The following SERINC3 variants were observed in gnomAD, a reference collection of about 807,000 sequenced individuals.
SERINC3 encodes the protein serine incorporator 3.
A neutral mutation model predicts 52.1 loss-of-function variants in SERINC3; 22 were observed. The observed-to-expected ratio is 0.42, with a 90% CI of 0.30 to 0.60. The LOEUF (loss-of-function observed/expected upper bound fraction) is 0.60, where lower values mean the gene tolerates loss of function less well. SERINC3 is among the 20% of genes least tolerant of loss of function. The pLI is 0.16. For synonymous variants in SERINC3, 226 were observed against 212.7 expected (o/e 1.06, Z -0.54); for missense variants, 564 against 584.6 (o/e 0.96, Z 0.36).
chr20:44,514,048 G>A lies in SERINC3; in HGVS notation c.40-8C>T, dbSNP rs1221924040. On this transcript the variant is annotated splice_polypyrimidine_tract_variant and splice_region_variant and intron_variant, in intron 1 of 9. Coordinates refer to ENST00000342374, the MANE Select transcript of SERINC3 (RefSeq NM_006811.4). ...GCTGCAGAGGCATGGAACCTGGAAT[G>A]AGCACACCATGGTCACCTGAGACCG... 4.3e-6 allele frequency: 7 copies of A among 1,613,462 alleles called. No homozygotes were observed. In the South Asian group the frequency reaches 7.7e-5, roughly 18 times the overall value.
At position 44,513,833 on chromosome 20, in the gene SERINC3, T is replaced by C. The variant is rs766018256; in HGVS notation, c.201+46A>G. On this transcript the variant is annotated intron_variant, in intron 2 of 9. Coordinates refer to ENST00000342374, the MANE Select transcript of SERINC3 (RefSeq NM_006811.4). ...AATAAAACTAGAATTTTGCAGAATA[T>C]AAAAATAAAAATAACCAATACCTTA... 8.3e-6 allele frequency: 12 copies of C among 1,447,310 alleles called. No homozygotes were observed. In the South Asian group the frequency reaches 1.6e-4, roughly 19 times the overall value. 89.7% of individuals were successfully genotyped at this position (1,447,310 alleles called of 1,614,324 possible). A position where few individuals can be genotyped will look rare whatever the true frequency, so the allele number is the denominator to read the frequency against.
At chr20:44,510,354 G>C (rs1202777176) in intron 4 of SERINC3, among the ~76,000 whole-genome samples, 3 of 152,214 alleles carry the variant, frequency 2.0e-5, no homozygotes, top group Non-Finnish European at 4.4e-5. Context: ...GACAGAGATA[G>C]GGGAGCACAA....
chr20:44,510,060 T>C lies in SERINC3; in HGVS notation c.476-32A>G, dbSNP rs575008661. ...GAACCAAGAGAACAAAGTTATTCTC[T>C]ACCATAGAGTAACATTTCAGAAGAT... On this transcript the variant is annotated intron_variant, in intron 4 of 9. Coordinates refer to ENST00000342374, the MANE Select transcript of SERINC3 (RefSeq NM_006811.4). 1.1e-5 allele frequency: 17 copies of C among 1,604,602 alleles called. No individual in the cohort carries two copies. The South Asian group carries it at 1.1e-4, about 10-fold the overall frequency.
chr20:44,500,445 A>G lies in SERINC3; in HGVS notation c.1284-11T>C, dbSNP rs1026440859. On this transcript the variant is annotated splice_polypyrimidine_tract_variant and intron_variant, in intron 9 of 9. Transcript: ENST00000342374. ...AACTTTGCATCAGGGCTAAGAAAACAAGAGAGAGTCAGGTAGAAAAGCCTG... is the reference window on the plus strand; with the variant it reads ...AACTTTGCATCAGGGCTAAGAAAACGAGAGAGAGTCAGGTAGAAAAGCCTG... The G allele has an allele frequency of 4.4e-5, 68 of 1,556,556 alleles. No homozygotes were observed. The highest frequency in any genetic ancestry group is 5.4e-5 in the African/African-American group (4 of 73,512).
chr20:44,503,554 A>G (rs562402071), intron 8 of SERINC3, among the ~76,000 whole-genome samples: 2 of 152,330 alleles, frequency 1.3e-5, no homozygotes, highest in South Asian at 4.1e-4. Context: ...AGCCTGAGGC[A>G]GAAGAACTGC....
At position 44,497,936 on chromosome 20, in the gene SERINC3, T is replaced by G. The variant is rs1332765463; in HGVS notation, c.*2360A>C. On this transcript the variant is annotated 3_prime_UTR_variant, in exon 10 of 10. Coordinates refer to ENST00000342374, the MANE Select transcript of SERINC3 (RefSeq NM_006811.4). ...GTGCTATGTCAGTGCTAAAAATGGG[T>G]TACACTTTGCAAAATAACTTTATTC... 1 of 152,228 alleles carries G rather than the reference T, an allele frequency of 6.6e-6. No homozygotes were observed. Among genetic ancestry groups the G allele is most frequent in the Non-Finnish European group, 1.5e-5 (1 of 68,030 alleles). The allele number at this position is 152,228 out of a possible 1,614,324, so 9.4% of individuals were successfully genotyped here. A position where few individuals can be genotyped will look rare whatever the true frequency, so the allele number is the denominator to read the frequency against.
chr20:44,502,034 GA>G (rs761332935), intron 8 of SERINC3, among the ~76,000 whole-genome samples: 1 of 152,170 alleles, frequency 6.6e-6, no homozygotes, highest in Non-Finnish European at 1.5e-5. Flanking sequence ...ACTTAACAGT[GA>G]AAGACTAAAA....
At position 44,500,251 on chromosome 20, in the gene SERINC3, A is replaced by C; in HGVS notation, c.*45T>G. ...TAAAAGGTATATGGGTTTTCGGTGA[A>C]GGAGACCTTTGTGAGTTCCAGTGGT... On this transcript the variant is annotated 3_prime_UTR_variant, in exon 10 of 10. Coordinates refer to ENST00000342374, the MANE Select transcript of SERINC3 (RefSeq NM_006811.4). 1 of 1,582,884 alleles carries C rather than the reference A, an allele frequency of 6.3e-7. No homozygotes were observed. Among genetic ancestry groups the C allele is most frequent in the South Asian group, 1.1e-5 (1 of 87,076 alleles).
chr20:44,517,423 A>T (rs1229758541), intron 1 of SERINC3, among the ~76,000 whole-genome samples: 22 of 152,226 alleles, frequency 1.4e-4, no homozygotes, highest in Admixed American at 1.4e-3. Flanking sequence ...TAGTAAGTTA[A>T]GATGAGGTTA....
intron 3 of SERINC3, 149 bp downstream of exon 3, chr20:44,512,652 A>G (rs1011282590): frequency 2.5e-5 from 15 of 600,378 alleles, no homozygotes; most frequent in South Asian, 1.4e-4. Context: ...AATGACATTA[A>G]AACAATTTCA....
rs777261763 is a variant in SERINC3, at chr20:44,506,818, C to T, written c.783+9G>A. ...TTTCACAGGAGAAAGAAGTAGTAAACAATCATACCTGAATTTTTGGGTGGA... is the reference window on the plus strand; with the variant it reads ...TTTCACAGGAGAAAGAAGTAGTAAATAATCATACCTGAATTTTTGGGTGGA... On this transcript the variant is annotated intron_variant, in intron 6 of 9. Coordinates refer to ENST00000342374, the MANE Select transcript of SERINC3 (RefSeq NM_006811.4). The T allele has an allele frequency of 2.1e-5, 32 of 1,550,172 alleles. No homozygotes were observed. In the South Asian group the frequency reaches 3.8e-4, roughly 18 times the overall value.
intron 1 of SERINC3, among the ~76,000 whole-genome samples, chr20:44,515,872 TC>T (rs2064377314): frequency 6.6e-6 from 1 of 151,816 alleles, no homozygotes; most frequent in Non-Finnish European, 1.5e-5. Flanking sequence ...CCCAGGCTGG[TC>T]TTGAATTCCT....
intron 6 of SERINC3, among the ~76,000 whole-genome samples, chr20:44,505,674 C>CT (rs1251876201): frequency 6.6e-6 from 1 of 151,902 alleles, no homozygotes; most frequent in South Asian, 2.1e-4. Context: ...TCTCAGCTCA[C>CT]TGCTACCTCC....
intron 1 of SERINC3, among the ~76,000 whole-genome samples, chr20:44,517,397 T>C (rs1354940232): frequency 6.6e-6 from 1 of 152,202 alleles, no homozygotes; most frequent in Non-Finnish European, 1.5e-5. Flanking sequence ...GTATCCTTAC[T>C]TGGTCACTGC....
In SERINC3 at chr20:44,511,149, G is replaced by C. The variant is rs763954744; in HGVS notation, c.475+140C>G. ...GGTTGGTCTCAAACTCCTGACCTCA[G>C]GTGATCCGCCCGTCTTGGCCTCCCA... On this transcript the variant is annotated intron_variant, in intron 4 of 9. Transcript: ENST00000342374. 1.0e-5 allele frequency: 6 copies of C among 593,272 alleles called. No individual in the cohort carries two copies. The Admixed American group carries it at 1.3e-4, about 12-fold the overall frequency. 36.8% of individuals were successfully genotyped at this position (593,272 alleles called of 1,614,324 possible).
chr20:44,519,375 C>T (rs904072752), intron 1 of SERINC3: 6 of 971,194 alleles, frequency 6.2e-6, no homozygotes, highest in Admixed American at 1.2e-4. Context: ...ACCATCCTGG[C>T]GTGAGCCACC....
At chr20:44,518,698 C>T (rs1413689916) in intron 1 of SERINC3, among the ~76,000 whole-genome samples, 4 of 152,262 alleles carry the variant, frequency 2.6e-5, no homozygotes, top group East Asian at 1.9e-4. Flanking sequence ...GGTGCAGTGG[C>T]TCACACCTGT....
intron 4 of SERINC3, 147 bp from the exon 5 acceptor site, chr20:44,510,175 G>A (rs936513429): frequency 1.1e-5 from 8 of 733,378 alleles, no homozygotes; most frequent in African/African-American, 7.1e-5. Context: ...CAAACTCAAC[G>A]GCATTCTTAA....
At chr20:44,520,684 T>C (rs558916584) in intron 1 of SERINC3, among the ~76,000 whole-genome samples, 1 of 152,258 alleles carries the variant, frequency 6.6e-6, no homozygotes, top group Admixed American at 6.5e-5. Flanking sequence ...ACGGAATCAT[T>C]AGAAACCCAA....
Sources: allele counts gnomAD v4.1 joint callset (sites outside exome capture counted in the v4.1 genomes callset), GRCh38; gene constraint gnomAD v4.1.1; transcripts MANE v1.5; gene names NCBI Gene and HGNC (gene_info 2026-07-23, HGNC 2026-07-21).